Variants in AP4S1 observed in about 807,000 individuals in gnomAD.
AP4S1 encodes adaptor related protein complex 4 subunit sigma 1, also known as AP-4 complex subunit sigma-1.
Under a neutral mutation model 19.8 loss-of-function variants are expected in AP4S1, and 23 were observed. The observed-to-expected ratio is 1.16, with a 90% CI of 0.84 to 1.65. AP4S1 has a LOEUF of 1.65. Ranked by LOEUF, AP4S1 falls within the 40% of genes most tolerant of loss-of-function variation. AP4S1 has a pLI of 0.00. For synonymous variants in AP4S1, 46 were observed against 54.1 expected, an observed-to-expected ratio of 0.85 and a Z score of 0.66; for missense variants, 166 against 172.8, an observed-to-expected ratio of 0.96 and a Z score of 0.22.
rs758966011 is a variant in AP4S1 at position 31,053,589 on chromosome 14, C to CTTTTTTTT, written c.-71-12515_-71-12508dup. Among the ~76,000 whole-genome samples, 213 of 71,204 alleles carry CTTTTTTTT rather than the reference C, an allele frequency of 3.0e-3. 6 individuals carry two copies. The highest frequency in any genetic ancestry group is 0.011 in the East Asian group (23 of 2,000). The allele number at this position is 71,204 out of a possible 152,430, so 46.7% of individuals were successfully genotyped here. A position where few individuals can be genotyped will look rare whatever the true frequency, so the allele number is the denominator to read the frequency against. On this transcript the variant is annotated intron_variant, in intron 1 of 5. Coordinates refer to ENST00000542754, the MANE Select transcript of AP4S1 (RefSeq NM_001128126.3). Reference sequence around the variant, plus strand: ...AACACATCTTTTTAGTGACTTTTTTCTTTTTTTTTTTTTTTTTTTTTTTTT... The same window carrying CTTTTTTTT: ...AACACATCTTTTTAGTGACTTTTTTCTTTTTTTTTTTTTTTTTTTTTTTTTTTTTTTTT...
intron 1 of AP4S1, among the ~76,000 whole-genome samples, chr14:31,054,256 A>G (rs995883270): frequency 1.3e-5 from 2 of 152,376 alleles, no homozygotes; most frequent in South Asian, 2.1e-4. Flanking sequence ...TCAGTTGGTC[A>G]TATTATATTA....
chr14:31,082,827 C>A (rs569750632), intron 5 of AP4S1, among the ~76,000 whole-genome samples: 1 of 150,760 alleles, frequency 6.6e-6, no homozygotes, highest in East Asian at 2.0e-4. Context: ...ACCCGGGAGG[C>A]GGAGCTTGCA....
chr14:31,065,804 G>A (rs1190851984), intron 1 of AP4S1, among the ~76,000 whole-genome samples: 1 of 152,056 alleles, frequency 6.6e-6, no homozygotes, highest in Non-Finnish European at 1.5e-5. Flanking sequence ...GGAACTACAG[G>A]CCCCCGCCAC....
rs1474301574 is a variant in AP4S1, at chr14:31,093,279, A to G, written c.*244A>G. ...GAAGTTTTATTTTCTAATTGTAAAC[A>G]TATCTGTCGCACTTTAAATTCTGTT... On this transcript the variant is annotated 3_prime_UTR_variant, in exon 6 of 6. Coordinates refer to ENST00000542754, the MANE Select transcript of AP4S1 (RefSeq NM_001128126.3). 1.2e-5 allele frequency: 4 copies of G among 321,108 alleles called. No homozygotes were observed. Among genetic ancestry groups the G allele is most frequent in the Admixed American group, 5.2e-5 (1 of 19,068 alleles). 19.9% of individuals were successfully genotyped at this position (321,108 alleles called of 1,614,324 possible).
chr14:31,031,996 G>A (rs919673260), intron 1 of AP4S1, among the ~76,000 whole-genome samples: 3 of 151,714 alleles, frequency 2.0e-5, no homozygotes, highest in Admixed American at 6.6e-5. Context: ...ATTTGAGCGC[G>A]GGAGGTTGAG....
At chr14:31,072,369 G>A (rs1035933372) in intron 3 of AP4S1, among the ~76,000 whole-genome samples, 1 of 151,660 alleles carries the variant, frequency 6.6e-6, no homozygotes, top group Non-Finnish European at 1.5e-5. Flanking sequence ...GAGCCATCAC[G>A]CATGGCCTTT....
chr14:31,026,849 C>A (rs978583482), intron 1 of AP4S1: 3 of 149,992 alleles, frequency 2.0e-5, no homozygotes, highest in Admixed American at 1.3e-4. Flanking sequence ...GGATTCCTGA[C>A]GTTTCTTTTT....
intron 1 of AP4S1, among the ~76,000 whole-genome samples, chr14:31,056,422 G>T (rs184852459): frequency 6.6e-6 from 1 of 151,474 alleles, no homozygotes; most frequent in Non-Finnish European, 1.5e-5. Context: ...GCAGTGGCGC[G>T]ATCTCAGCTC....
intron 1 of AP4S1, among the ~76,000 whole-genome samples, chr14:31,058,700 T>C (rs894095361): frequency 1.3e-5 from 2 of 151,276 alleles, no homozygotes; most frequent in African/African-American, 2.4e-5. Context: ...CCTAAGTAGC[T>C]GGGACTATAG....
At chr14:31,049,383 C>T (rs1236508264) in intron 1 of AP4S1, among the ~76,000 whole-genome samples, 2 of 135,128 alleles carry the variant, frequency 1.5e-5, no homozygotes, top group Non-Finnish European at 3.1e-5. Context: ...CACTGCACTC[C>T]AGCCTGGGTG....
intron 5 of AP4S1, chr14:31,085,367 G>C: frequency 1.0e-6 from 1 of 991,202 alleles, no homozygotes; most frequent in Non-Finnish European, 1.2e-6. Context: ...TGCCTGGGGA[G>C]AGAAGCAAGA....
chr14:31,085,018 G>T, intron 5 of AP4S1: 1 of 1,493,170 alleles, frequency 6.7e-7, no homozygotes, highest in Non-Finnish European at 8.9e-7. Context: ...TGCCTTTAAA[G>T]AGGCCTAAGG....
rs144088516 is a variant in AP4S1 at position 31,027,535 on chromosome 14, ACCTGTAGTC to A, written c.-72+1751_-72+1759del. ...AAATTAGCCGGGCATGGTGGCGCAC[ACCTGTAGTC>A]CCAGCTCCTGGGGAGGCTGAGGCAC... On this transcript the variant is annotated intron_variant, in intron 1 of 5. Transcript: ENST00000542754. Among the ~76,000 whole-genome samples, 274 of 152,190 alleles carry A rather than the reference ACCTGTAGTC, an allele frequency of 1.8e-3. 5 individuals are homozygous for A. The East Asian group carries it at 0.031, about 17-fold the overall frequency.
At chr14:31,038,991 GGT>G (rs1491144813) in intron 1 of AP4S1, among the ~76,000 whole-genome samples, 7 of 71,104 alleles carry the variant, frequency 9.8e-5, no homozygotes, top group African/African-American at 2.6e-4. Flanking sequence ...TAAATGTAGA[GGT>G]TTTTTTTTTT....
intron 1 of AP4S1, among the ~76,000 whole-genome samples, chr14:31,029,274 A>G (rs901253772): frequency 5.9e-5 from 9 of 152,212 alleles, no homozygotes; most frequent in African/African-American, 2.2e-4. Flanking sequence ...TTCCTAAAAC[A>G]AAGGTATGAT....
chr14:31,079,507 AC>A (rs1887527954), intron 4 of AP4S1, among the ~76,000 whole-genome samples: 1 of 152,046 alleles, frequency 6.6e-6, no homozygotes, highest in South Asian at 2.1e-4. Context: ...ATTGCTGTGA[AC>A]CTAAAACTGC....
intron 1 of AP4S1, among the ~76,000 whole-genome samples, chr14:31,061,884 C>T (rs1886456836): frequency 6.6e-6 from 1 of 152,034 alleles, no homozygotes; most frequent in South Asian, 2.1e-4. Flanking sequence ...TCATGATCCG[C>T]CCGCCTCGGC....
intron 1 of AP4S1, among the ~76,000 whole-genome samples, chr14:31,032,725 A>G (rs1884476807): frequency 6.6e-6 from 1 of 151,950 alleles, no homozygotes; most frequent in African/African-American, 2.4e-5. Flanking sequence ...TAGTAGAGAC[A>G]GGATTTCACT....
intron 1 of AP4S1, among the ~76,000 whole-genome samples, chr14:31,031,318 A>G (rs1884375137): frequency 6.6e-6 from 1 of 152,334 alleles, no homozygotes; most frequent in South Asian, 2.1e-4. Flanking sequence ...TTCTTAGACC[A>G]TAAAGTCATT....
Sources: allele counts gnomAD v4.1 joint callset (sites outside exome capture counted in the v4.1 genomes callset), GRCh38; gene constraint gnomAD v4.1.1; transcripts MANE v1.5; gene names NCBI Gene and HGNC (gene_info 2026-07-23, HGNC 2026-07-21).